AAK1: variants seen among roughly 807,000 people sequenced by gnomAD.
The protein encoded by AAK1 is AP2-associated protein kinase 1.
In AAK1, 37 loss-of-function variants were observed where a neutral mutation model predicts 116.0. The ratio of observed to expected loss-of-function variants is 0.32; its 90% CI spans 0.25 to 0.42. The LOEUF (loss-of-function observed/expected upper bound fraction) is 0.42, where lower values mean the gene tolerates loss of function less well. Among genes scored for constraint, AAK1 ranks in the 10% least tolerant of loss-of-function variants. AAK1 has a pLI of 1.00. For missense variants in AAK1, 919 were observed against 1,170.6 expected, an observed-to-expected ratio of 0.79 and a Z score of 3.14; for synonymous variants, 458 against 439.9, an observed-to-expected ratio of 1.04 and a Z score of -0.51.
chr2:69,509,365 G>T lies in AAK1; in HGVS notation c.1872C>A (p.Ser624=), dbSNP rs1255037048. 2 of 1,613,884 alleles carry T rather than the reference G, an allele frequency of 1.2e-6. No homozygotes were observed. The highest frequency in any genetic ancestry group is 1.3e-5 in the African/African-American group (1 of 74,930). ...QKVGSLTPPS[S]PKTQRAGHRR... ...TGTGCCCAGCACGTTGGGTTTTGGG[G>T]GATGAGGGTGGAGTGAGAGATCCAA... The change falls in exon 14 of 22, where the codon TCC becomes TCA. Residue 624 remains serine, a synonymous_variant. Transcript: ENST00000409085.
chr2:69,474,259 T>C lies in AAK1; in HGVS notation c.*1610A>G. 1.0e-6 allele frequency: 1 copy of C among 985,808 alleles called. No homozygotes were observed. Among genetic ancestry groups the C allele is most frequent in the Non-Finnish European group, 1.2e-6 (1 of 829,914 alleles). The allele number at this position is 985,808 out of a possible 1,614,324, so 61.1% of individuals were successfully genotyped here. A position where few individuals can be genotyped will look rare whatever the true frequency, so the allele number is the denominator to read the frequency against. ...AGATAGCAAAACAAGCAAATGGACTTGGAATTTTATTTGTACAGATCTGAT... is the reference window on the plus strand; with the variant it reads ...AGATAGCAAAACAAGCAAATGGACTCGGAATTTTATTTGTACAGATCTGAT... On this transcript the variant is annotated 3_prime_UTR_variant, in exon 22 of 22. Transcript: ENST00000409085.
chr2:69,478,710 TC>T lies in AAK1; in HGVS notation c.2680+240del, dbSNP rs1674962120. Reference sequence around the variant, plus strand: ...CTCAAGTGATCCTCCCACCTCAGCCTCCCAAAGTGCTGGGATTGCAGGCCTG... The same window carrying T: ...CTCAAGTGATCCTCCCACCTCAGCCTCCAAAGTGCTGGGATTGCAGGCCTG... On this transcript the variant is annotated intron_variant, in intron 20 of 21. Transcript: ENST00000409085. The T allele has an allele frequency of 7.7e-6, 3 of 387,586 alleles. No homozygotes were observed. The East Asian group carries it at 1.8e-4, about 24-fold the overall frequency. 24.0% of individuals were successfully genotyped at this position (387,586 alleles called of 1,614,324 possible).
chr2:69,555,616 T>A (rs1205300666), intron 3 of AAK1, among the ~76,000 whole-genome samples: 1 of 152,172 alleles, frequency 6.6e-6, no homozygotes, highest in African/African-American at 2.4e-5. Flanking sequence ...CTATTACCAT[T>A]ATTCAAATAC....
At chr2:69,494,822 A>C (rs1675674891) in intron 17 of AAK1, among the ~76,000 whole-genome samples, 1 of 152,214 alleles carries the variant, frequency 6.6e-6, no homozygotes, top group Non-Finnish European at 1.5e-5. Flanking sequence ...ATAAAGTTAT[A>C]CAGTACTACC....
chr2:69,572,643 A>G (rs530937112), intron 2 of AAK1, among the ~76,000 whole-genome samples: 135 of 145,950 alleles, frequency 9.2e-4, no homozygotes, highest in Non-Finnish European at 1.2e-3. Context: ...AAAAAAAAAA[A>G]GCATACAAAT....
Position 69,467,281 on chromosome 2 carries a change from G to T in AAK1, c.*8588C>A. ...CCATAAAGTTCTTTAAGCAGAAGGA[G>T]TAAAATGCATGGGCCATTACAGAAG... On this transcript the variant is annotated 3_prime_UTR_variant, in exon 22 of 22. Coordinates refer to ENST00000409085, the MANE Select transcript of AAK1 (RefSeq NM_014911.5). 2 of 985,428 alleles carry T rather than the reference G, an allele frequency of 2.0e-6. No individual in the cohort carries two copies. Among genetic ancestry groups the T allele is most frequent in the Non-Finnish European group, 2.4e-6 (2 of 829,936 alleles). 61.0% of individuals were successfully genotyped at this position (985,428 alleles called of 1,614,324 possible).
At chr2:69,510,114 G>C (rs941958697) in intron 13 of AAK1, among the ~76,000 whole-genome samples, 1 of 152,098 alleles carries the variant, frequency 6.6e-6, no homozygotes, top group East Asian at 1.9e-4. Context: ...CTCGTGTCAC[G>C]GGGGTTTGTT....
chr2:69,611,832 T>C (rs185384163), intron 2 of AAK1, among the ~76,000 whole-genome samples: 54 of 152,312 alleles, frequency 3.5e-4, no homozygotes, highest in African/African-American at 1.3e-3. Context: ...GAAGAACATT[T>C]TGACATATAC....
intron 17 of AAK1, among the ~76,000 whole-genome samples, chr2:69,493,013 T>C (rs1347699842): frequency 1.3e-5 from 2 of 151,588 alleles, no homozygotes; most frequent in African/African-American, 4.8e-5. Context: ...CCTGAGCCCT[T>C]TCCTCACTCA....
chr2:69,524,930 C>T, intron 10 of AAK1, 103 bp downstream of exon 10: 1 of 1,139,644 alleles, frequency 8.8e-7, no homozygotes, highest in South Asian at 1.3e-5. Flanking sequence ...ATCTGTGCAG[C>T]CCCTGGTCAT....
intron 12 of AAK1, among the ~76,000 whole-genome samples, chr2:69,515,784 G>A (rs1346533313): frequency 6.6e-6 from 1 of 151,960 alleles, no homozygotes; most frequent in Non-Finnish European, 1.5e-5. Flanking sequence ...TCAATTGGGA[G>A]GATACTGTTT....
At chr2:69,539,798 C>T (rs1670626261) in intron 5 of AAK1, among the ~76,000 whole-genome samples, 1 of 152,172 alleles carries the variant, frequency 6.6e-6, no homozygotes, top group East Asian at 1.9e-4. Context: ...TTCATCCTCT[C>T]TGTGACCACT....
At chr2:69,478,567 C>T (rs1242399486) in intron 20 of AAK1, 2 of 218,208 alleles carry the variant, frequency 9.2e-6, no homozygotes, top group Admixed American at 5.9e-5. Context: ...ATCATCCCAC[C>T]TCAGTCTCCC....
intron 10 of AAK1, among the ~76,000 whole-genome samples, chr2:69,521,703 A>C (rs1229401915): frequency 6.6e-6 from 1 of 152,242 alleles, no homozygotes; most frequent in Non-Finnish European, 1.5e-5. Context: ...TCCTGGCATT[A>C]CATGAGATGT....
rs114461784 is a variant in AAK1 at position 69,611,410 on chromosome 2, T to C, written c.163+31468A>G. Among the ~76,000 whole-genome samples, 791 of 152,318 alleles carry C rather than the reference T, an allele frequency of 5.2e-3. 7 individuals carry two copies. Among genetic ancestry groups the C allele is most frequent in the African/African-American group, 0.018 (748 of 41,562 alleles). On this transcript the variant is annotated intron_variant, in intron 2 of 21. Transcript: ENST00000409085. The stretch of plus-strand genomic sequence containing the variant: ...GGGCCTTCGGCCTCAGACTGGGGGC[T>C]GCACTGTCAGACAACATTGAGACTT...
chr2:69,480,956 C>A lies in AAK1; in HGVS notation c.2473G>T (p.Ala825Ser). 1 of 1,600,068 alleles carries A rather than the reference C, an allele frequency of 6.2e-7. No individual in the cohort carries two copies. Among genetic ancestry groups the A allele is most frequent in the Non-Finnish European group, 8.5e-7 (1 of 1,173,688 alleles). Residue 825 changes from alanine to serine, a missense_variant, in exon 19 of 22, where the codon GCT becomes TCT. Transcript: ENST00000409085. ...ATGAGACTCTCAACAGCAACATCAG[C>A]TTTTTCTTTCGTAACAGAGCATTAA... is the stretch of plus-strand genomic sequence containing the variant. ...GSTSDAVIEK[A>S]DVAVESLIPG...
chr2:69,571,523 C>A (rs1376985639), intron 2 of AAK1, among the ~76,000 whole-genome samples: 1 of 152,206 alleles, frequency 6.6e-6, no homozygotes, highest in Non-Finnish European at 1.5e-5. Flanking sequence ...CTGTTCCTTG[C>A]ACCCAATGAC....
At chr2:69,514,063 A>G (rs540856901) in intron 13 of AAK1, among the ~76,000 whole-genome samples, 15 of 152,316 alleles carry the variant, frequency 9.8e-5, no homozygotes, top group African/African-American at 3.4e-4. Flanking sequence ...CAAGACAAAG[A>G]ATAAACACAA....
In AAK1 at chr2:69,471,666, C is replaced by T. The variant is rs1674686038; in HGVS notation, c.*4203G>A. On this transcript the variant is annotated 3_prime_UTR_variant, in exon 22 of 22. Coordinates refer to ENST00000409085, the MANE Select transcript of AAK1 (RefSeq NM_014911.5). ...GAGAAGGTTAAGGACTCTGGGAAAT[C>T]ACAGAAAAACCTTATCAAGAGAGAC... The T allele has an allele frequency of 5.1e-6, 5 of 985,342 alleles. No homozygotes were observed. The highest frequency in any genetic ancestry group is 6.0e-6 in the Non-Finnish European group (5 of 829,896). The allele number at this position is 985,342 out of a possible 1,614,324, so 61.0% of individuals were successfully genotyped here.
Sources: gnomAD v4.1 joint callset for allele counts (sites outside exome capture counted in the v4.1 genomes callset) on GRCh38, gnomAD v4.1.1 for gene constraint, MANE v1.5 for transcripts, NCBI Gene and HGNC (gene_info 2026-07-23, HGNC 2026-07-21) for gene names.